The following NR3C1 variants were observed in gnomAD, a reference collection of about 807,000 sequenced individuals.
NR3C1 encodes the protein glucocorticoid receptor.
A neutral mutation model predicts 74.0 loss-of-function variants in NR3C1; 14 were observed. That is an observed-to-expected ratio of 0.19 (90% CI 0.12 to 0.30). NR3C1 has a LOEUF of 0.30. Among genes scored for constraint, NR3C1 ranks in the 10% least tolerant of loss-of-function variants. NR3C1 has a pLI of 1.00. For synonymous variants in NR3C1, 308 were observed against 332.5 expected (o/e 0.93, Z 0.80); for missense variants, 695 against 909.8 (o/e 0.76, Z 3.04).
chr5:143,336,914 G>A (rs923069757), intron 2 of NR3C1, among the ~76,000 whole-genome samples: 6 of 151,722 alleles, frequency 4.0e-5, no homozygotes, highest in South Asian at 4.2e-4. Flanking sequence ...GGAGGTGGAG[G>A]CTGCAGTGAG....
Position 143,279,020 on chromosome 5 carries a change from A to G in NR3C1, c.*2869T>C, listed in dbSNP as rs557064456. The G allele has an allele frequency of 1.4e-5, 4 of 284,122 alleles. No homozygotes were observed. Among genetic ancestry groups the G allele is most frequent in the Non-Finnish European group, 1.3e-5 (2 of 153,410 alleles). 17.6% of individuals were successfully genotyped at this position (284,122 alleles called of 1,614,324 possible). On this transcript the variant is annotated 3_prime_UTR_variant, in exon 9 of 9. Transcript: ENST00000394464. ...ATCCCACAGAATACCTACAAACACTAAAAATACTTTTCAGGATTTGTTGTG... is the reference window on the plus strand; with the variant it reads ...ATCCCACAGAATACCTACAAACACTGAAAATACTTTTCAGGATTTGTTGTG...
At chr5:143,404,313 T>C (rs961129665), upstream of NR3C1, 29 of 985,404 alleles carry the variant, frequency 2.9e-5, no homozygotes, top group Non-Finnish European at 3.4e-5. Context: ...CCGGGCGGCC[T>C]GACACGCCCT....
At chr5:143,288,053 A>C (rs541364199) in intron 7 of NR3C1, among the ~76,000 whole-genome samples, 1 of 152,210 alleles carries the variant, frequency 6.6e-6, no homozygotes, top group African/African-American at 2.4e-5. Flanking sequence ...TATTTTTGGA[A>C]AGAGGATTTG....
chr5:143,403,992 T>A, upstream of NR3C1: 1 of 984,804 alleles, frequency 1.0e-6, no homozygotes, highest in Non-Finnish European at 1.2e-6. Flanking sequence ...CGACCTGGTC[T>A]CTCTGGGGCG....
At chr5:143,291,620 A>G (rs578116517) in intron 7 of NR3C1, among the ~76,000 whole-genome samples, 2 of 152,318 alleles carry the variant, frequency 1.3e-5, no homozygotes, top group South Asian at 2.1e-4. Flanking sequence ...TACTTAGAGC[A>G]TTCAAATTTA....
intron 2 of NR3C1, among the ~76,000 whole-genome samples, chr5:143,391,961 T>C (rs1838306956): frequency 6.6e-6 from 1 of 152,040 alleles, no homozygotes; most frequent in Non-Finnish European, 1.5e-5. Flanking sequence ...TTAATTTTCT[T>C]TTCTTTTTTT....
Position 143,281,257 on chromosome 5 carries a change from G to T in NR3C1, c.*632C>A, listed in dbSNP as rs533416751. On this transcript the variant is annotated 3_prime_UTR_variant, in exon 9 of 9. Coordinates refer to ENST00000394464, the MANE Select transcript of NR3C1 (RefSeq NM_000176.3). ...TTGATTAATGTTTAGAGTTTATTTG[G>T]GAAAGCTACGAACTAGCTGCCCATC... The T allele has an allele frequency of 6.6e-6, 1 of 152,084 alleles. No homozygotes were observed. Among genetic ancestry groups the T allele is most frequent in the Non-Finnish European group, 1.5e-5 (1 of 68,094 alleles). 9.4% of individuals were successfully genotyped at this position (152,084 alleles called of 1,614,324 possible). A position where few individuals can be genotyped will look rare whatever the true frequency, so the allele number is the denominator to read the frequency against.
intron 1 of NR3C1, among the ~76,000 whole-genome samples, chr5:143,414,933 A>G (rs1841428334): frequency 6.6e-6 from 1 of 152,188 alleles, no homozygotes; most frequent in Admixed American, 6.5e-5. Context: ...AAGGGTGAGG[A>G]GGTTATGAGT....
intron 2 of NR3C1, among the ~76,000 whole-genome samples, chr5:143,382,753 A>T (rs1244286573): frequency 6.6e-6 from 1 of 152,202 alleles, no homozygotes; most frequent in East Asian, 1.9e-4. Flanking sequence ...GAATTCTATG[A>T]TTCTTTGACA....
rs180841482 is a variant in NR3C1, at chr5:143,279,285, T to G, written c.*2604A>C. 2.5e-5 allele frequency: 38 copies of G among 1,491,944 alleles called. No homozygotes were observed. The African/African-American group carries it at 2.7e-4, about 11-fold the overall frequency. 92.4% of individuals were successfully genotyped at this position (1,491,944 alleles called of 1,614,324 possible). ...TGTCGATGAGCATCAGTTGACTTAT[T>G]ATTGACAACGAAGTGCACATAATCT... On this transcript the variant is annotated 3_prime_UTR_variant, in exon 9 of 9. Transcript: ENST00000394464.
chr5:143,400,813 A>T lies in NR3C1; in HGVS notation c.27T>A (p.Pro9=), dbSNP rs1396256893. ...CACTGCTGGGGTTTTCTTCTCTACC[A>T]GGAGTTAATGATTCTTTGGAGTCCA... The part of the protein sequence containing the change: MDSKESLT[P]GREENPSSVL... Residue 9 remains proline (P), a synonymous_variant, in exon 2 of 9, where the codon CCT becomes CCA. Transcript: ENST00000394464. The T allele has an allele frequency of 6.2e-7, 1 of 1,614,044 alleles. No individual in the cohort carries two copies.
intron 4 of NR3C1, among the ~76,000 whole-genome samples, chr5:143,308,496 G>T (rs956315932): frequency 6.6e-6 from 1 of 151,948 alleles, no homozygotes; most frequent in African/African-American, 2.4e-5. Flanking sequence ...AATCATAAAA[G>T]GAACCACATG....
chr5:143,303,169 T>C (rs541163969), intron 4 of NR3C1, among the ~76,000 whole-genome samples: 55 of 127,264 alleles, frequency 4.3e-4, no homozygotes, highest in African/African-American at 1.0e-3. Context: ...GCACACAAAG[T>C]AGACAATCTA....
At chr5:143,415,473 A>G (rs1841446729) in intron 1 of NR3C1, among the ~76,000 whole-genome samples, 2 of 152,186 alleles carry the variant, frequency 1.3e-5, no homozygotes, top group Admixed American at 6.5e-5. Context: ...AATTTATTGT[A>G]TATTTTCAAA....
At chr5:143,346,021 T>C (rs1829220601) in intron 2 of NR3C1, among the ~76,000 whole-genome samples, 1 of 152,194 alleles carries the variant, frequency 6.6e-6, no homozygotes, top group Admixed American at 6.5e-5. Context: ...AAGTAGACCA[T>C]TCCAGATGGC....
At chr5:143,412,350 C>T (rs2151955759) in intron 1 of NR3C1, among the ~76,000 whole-genome samples, 1 of 152,174 alleles carries the variant, frequency 6.6e-6, no homozygotes, top group South Asian at 2.1e-4. Context: ...CTAGTAATTT[C>T]ATTGATTTTT....
chr5:143,433,278 G>C (rs1284874965), intron 1 of NR3C1, among the ~76,000 whole-genome samples: 1 of 150,366 alleles, frequency 6.7e-6, no homozygotes, highest in Non-Finnish European at 1.5e-5. Flanking sequence ...ATATTCTTTT[G>C]AGCTAGGCAG....
rs72481837 is a variant in NR3C1 at position 143,310,420 on chromosome 5, A to C, written c.1352-207T>G. ...TCCCTTTTTCTGTTCAACAAACTGA[A>C]AACAGTGCAATAAAAAACCTTATTG... On this transcript the variant is annotated intron_variant, in intron 3 of 8. Transcript: ENST00000394464. 1.0e-3 allele frequency among the ~76,000 whole-genome samples: 154 copies of C among 152,298 alleles called. 3 individuals are homozygous for C. In the East Asian group the frequency reaches 0.022, roughly 22 times the overall value.
intron 2 of NR3C1, among the ~76,000 whole-genome samples, chr5:143,377,625 C>T (rs955455947): frequency 2.6e-5 from 4 of 152,224 alleles, no homozygotes; most frequent in Non-Finnish European, 5.9e-5. Context: ...CGCAGTGCAG[C>T]GCTGAAAAGG....
Sources: allele counts gnomAD v4.1 joint callset (sites outside exome capture counted in the v4.1 genomes callset), GRCh38; gene constraint gnomAD v4.1.1; transcripts MANE v1.5; gene names NCBI Gene and HGNC (gene_info 2026-07-23, HGNC 2026-07-21).